The following DPH6 variants were observed in gnomAD, a reference collection of about 807,000 sequenced individuals.
DPH6 encodes diphthine--ammonia ligase.
DPH6 carries 33 observed loss-of-function variants against 38.2 expected under a neutral mutation model. The ratio of observed to expected loss-of-function variants is 0.86; its 90% CI spans 0.65 to 1.15. The LOEUF (loss-of-function observed/expected upper bound fraction) is 1.15, where lower values mean the gene tolerates loss of function less well. Among genes scored for constraint, DPH6 ranks in the 50% most tolerant of loss-of-function variants. DPH6 has a pLI of 0.00. For missense variants in DPH6, 325 were observed against 320.0 expected (o/e 1.02, Z -0.12); for synonymous variants, 108 against 103.0 (o/e 1.05, Z -0.30).
At chr15:35,270,341 C>G (rs558493266) in intron 3 of DPH6, among the ~76,000 whole-genome samples, 1 of 152,288 alleles carries the variant, frequency 6.6e-6, no homozygotes, top group East Asian at 1.9e-4. Context: ...TGGAGTGCAT[C>G]GGTTCTGCTG....
the DPH6 span, among the ~76,000 whole-genome samples, chr15:35,211,589 TCA>T: frequency 6.6e-6 from 1 of 152,216 alleles, no homozygotes; most frequent in Non-Finnish European, 1.5e-5. Flanking sequence ...ATTGTTTTGA[TCA>T]ATCTATATAT....
chr15:35,295,372 C>G (rs947813255), intron 3 of DPH6, among the ~76,000 whole-genome samples: 1 of 152,198 alleles, frequency 6.6e-6, no homozygotes, highest in African/African-American at 2.4e-5. Flanking sequence ...AGACAGGACT[C>G]TAAGTCTGCA....
chr15:35,331,379 T>C (rs1182560700), intron 3 of DPH6, among the ~76,000 whole-genome samples: 1 of 152,074 alleles, frequency 6.6e-6, no homozygotes, highest in African/African-American at 2.4e-5. Flanking sequence ...ATTTCAGGTA[T>C]ACATAAATCT....
At chr15:35,277,187 T>C (rs2051864870) in intron 3 of DPH6, among the ~76,000 whole-genome samples, 2 of 152,136 alleles carry the variant, frequency 1.3e-5, no homozygotes, top group Admixed American at 6.6e-5. Context: ...TTTCAGTTAT[T>C]GTAAAAGGGG....
intron 3 of DPH6, among the ~76,000 whole-genome samples, chr15:35,528,553 T>C (rs1342402279): frequency 6.6e-6 from 1 of 152,132 alleles, no homozygotes. Flanking sequence ...GCATTCCCCA[T>C]GTTCAGGCTC....
At chr15:35,533,144 G>A (rs994738426) in intron 3 of DPH6, among the ~76,000 whole-genome samples, 7 of 150,566 alleles carry the variant, frequency 4.6e-5, no homozygotes, top group African/African-American at 1.7e-4. Context: ...TGGTTTCCAA[G>A]TTGAAACCCA....
At chr15:35,482,440 A>G (rs1373324774) in intron 3 of DPH6, among the ~76,000 whole-genome samples, 1 of 152,226 alleles carries the variant, frequency 6.6e-6, no homozygotes, top group Non-Finnish European at 1.5e-5. Flanking sequence ...TACTTGATTA[A>G]TAAACATTAT....
intron 3 of DPH6, among the ~76,000 whole-genome samples, chr15:35,236,980 G>A (rs1438266394): frequency 2.6e-5 from 4 of 152,102 alleles, no homozygotes; most frequent in Non-Finnish European, 5.9e-5. Flanking sequence ...ATAGATAAGT[G>A]GCTCATCTCC....
chr15:35,368,655 A>G (rs879656342), downstream of DPH6, among the ~76,000 whole-genome samples: 61 of 151,898 alleles, frequency 4.0e-4, no homozygotes, highest in African/African-American at 1.4e-3. Flanking sequence ...AATCAATTGA[A>G]TTTTCATAGT....
intron 3 of DPH6, among the ~76,000 whole-genome samples, chr15:35,461,788 A>C (rs1409856836): frequency 6.6e-6 from 1 of 152,190 alleles, no homozygotes; most frequent in East Asian, 1.9e-4. Context: ...AGCTATAAAA[A>C]TTTAGGTTGA....
intron 3 of DPH6, among the ~76,000 whole-genome samples, chr15:35,337,108 A>G (rs1162645459): frequency 6.6e-6 from 1 of 152,100 alleles, no homozygotes; most frequent in East Asian, 1.9e-4. Flanking sequence ...CTATTGATTA[A>G]TGCCACAATT....
chr15:35,311,043 G>A (rs2052137114), intron 3 of DPH6, among the ~76,000 whole-genome samples: 1 of 150,358 alleles, frequency 6.7e-6, no homozygotes, highest in African/African-American at 2.5e-5. Context: ...TGGGCAACAA[G>A]AGTGAAACGC....
chr15:35,195,478 A>G, the DPH6 span, among the ~76,000 whole-genome samples: 3 of 152,202 alleles, frequency 2.0e-5, no homozygotes, highest in East Asian at 1.9e-4. Context: ...CATTGAATCC[A>G]TATTTAAAGC....
At chr15:35,359,444 G>T (rs1353429585) in intron 3 of DPH6, among the ~76,000 whole-genome samples, 1 of 152,162 alleles carries the variant, frequency 6.6e-6, no homozygotes, top group East Asian at 1.9e-4. Flanking sequence ...CTAGAGATTT[G>T]CTTCTCTCTG....
intron 3 of DPH6, chr15:35,282,752 G>A: frequency 2.8e-6 from 1 of 358,330 alleles, no homozygotes; most frequent in Non-Finnish European, 5.7e-6. Context: ...AGCTGCCATT[G>A]TGGAGAAGTT....
At chr15:35,487,165 T>G (rs2054414238) in intron 3 of DPH6, among the ~76,000 whole-genome samples, 1 of 152,182 alleles carries the variant, frequency 6.6e-6, no homozygotes, top group Admixed American at 6.5e-5. Context: ...GCCTGTGGCT[T>G]TTCCAGGCAC....
chr15:35,302,943 T>C (rs1285979534), intron 3 of DPH6, among the ~76,000 whole-genome samples: 1 of 152,170 alleles, frequency 6.6e-6, no homozygotes, highest in Non-Finnish European at 1.5e-5. Context: ...GGTTTCTATA[T>C]TAAAAAATAA....
At chr15:35,479,639 A>C (rs1419811026) in intron 3 of DPH6, among the ~76,000 whole-genome samples, 1 of 152,058 alleles carries the variant, frequency 6.6e-6, no homozygotes, top group Non-Finnish European at 1.5e-5. Context: ...GAGGTGACTT[A>C]ATCTAGCTGC....
the DPH6 span, among the ~76,000 whole-genome samples, chr15:35,204,378 AAAG>A: frequency 6.6e-6 from 1 of 151,834 alleles, no homozygotes; most frequent in Non-Finnish European, 1.5e-5. Context: ...TGACATCTTT[AAAG>A]AAGATTAGTT....
Sources: allele counts gnomAD v4.1 joint callset (sites outside exome capture counted in the v4.1 genomes callset), GRCh38; gene constraint gnomAD v4.1.1; transcripts MANE v1.5; gene names NCBI Gene and HGNC (gene_info 2026-07-23, HGNC 2026-07-21).